CAST: variants seen among roughly 807,000 people sequenced by gnomAD.
CAST encodes calpastatin.
A neutral mutation model predicts 119.6 loss-of-function variants in CAST; 76 were observed. The ratio of observed to expected loss-of-function variants is 0.64; its 90% confidence interval spans 0.53 to 0.77. The LOEUF is 0.77. CAST is among the 30% of genes least tolerant of loss of function. CAST has a pLI of 0.00. For synonymous variants in CAST, 319 were observed against 331.6 expected (o/e 0.96, Z 0.41); for missense variants, 953 against 946.5 (o/e 1.01, Z -0.09).
At chr5:96,257,271 T>C in the CAST span, among the ~76,000 whole-genome samples, 1 of 152,182 alleles carries the variant, frequency 6.6e-6, no homozygotes, top group Non-Finnish European at 1.5e-5. Flanking sequence ...TCTAGAGTCA[T>C]CTTAAACTTG....
the CAST span, among the ~76,000 whole-genome samples, chr5:96,361,743 C>T: frequency 6.9e-4 from 99 of 144,304 alleles, no homozygotes; most frequent in African/African-American, 2.4e-3. Flanking sequence ...AGGTTGATCT[C>T]GGTGGGAGCT....
intron 1 of CAST, among the ~76,000 whole-genome samples, chr5:96,586,496 C>T (rs1746863940): frequency 1.3e-5 from 2 of 152,202 alleles, no homozygotes; most frequent in Non-Finnish European, 2.9e-5. Context: ...AGAGAAGCCA[C>T]ATTTCCTATC....
the CAST span, among the ~76,000 whole-genome samples, chr5:96,442,966 C>T: frequency 6.6e-6 from 1 of 151,872 alleles, no homozygotes; most frequent in Non-Finnish European, 1.5e-5. Context: ...TCTTTTTTCT[C>T]CTTCTTCTTT....
chr5:96,262,270 T>G, the CAST span, among the ~76,000 whole-genome samples: 1 of 151,778 alleles, frequency 6.6e-6, no homozygotes, highest in Admixed American at 6.6e-5. Flanking sequence ...CAGATGGGAG[T>G]GTGGTGCTGA....
chr5:96,296,329 A>T, the CAST span, among the ~76,000 whole-genome samples: 1 of 152,156 alleles, frequency 6.6e-6, no homozygotes, highest in South Asian at 2.1e-4. Flanking sequence ...CTGAAAATTG[A>T]TGTCTGTTAA....
At chr5:96,578,421 TA>T (rs1746714368) in intron 1 of CAST, among the ~76,000 whole-genome samples, 1 of 151,930 alleles carries the variant, frequency 6.6e-6, no homozygotes, top group Non-Finnish European at 1.5e-5. Flanking sequence ...TTGATTGGTA[TA>T]TTTAGACAAT....
At chr5:96,433,379 T>C in the CAST span, 13 of 386,286 alleles carry the variant, frequency 3.4e-5, no homozygotes, top group Non-Finnish European at 6.5e-5. Context: ...GAGAAGCGGC[T>C]AAAATAAGCA....
the CAST span, among the ~76,000 whole-genome samples, chr5:96,489,352 G>T: frequency 6.6e-6 from 1 of 152,204 alleles, no homozygotes; most frequent in South Asian, 2.1e-4. Context: ...TGGCAGCAGG[G>T]CTGCATTTAC....
At chr5:96,765,989 A>G (rs1769806822) in intron 26 of CAST, 64 bp from the exon 27 acceptor site, 1 of 915,156 alleles carries the variant, frequency 1.1e-6, no homozygotes, top group African/African-American at 1.7e-5. Context: ...GCTGCATTTG[A>G]CAATGTATTT....
At chr5:96,504,814 C>T in the CAST span, among the ~76,000 whole-genome samples, 1 of 152,152 alleles carries the variant, frequency 6.6e-6, no homozygotes, top group African/African-American at 2.4e-5. Context: ...AAATGATGTG[C>T]TTTCTGTATC....
the CAST span, among the ~76,000 whole-genome samples, chr5:96,340,078 C>A: frequency 2.0e-5 from 3 of 152,062 alleles, no homozygotes; most frequent in African/African-American, 4.8e-5. Context: ...AATGACTGGG[C>A]AAAATTTTTT....
At chr5:96,235,654 A>G in the CAST span, among the ~76,000 whole-genome samples, 1 of 152,076 alleles carries the variant, frequency 6.6e-6, no homozygotes, top group African/African-American at 2.4e-5. Flanking sequence ...GTAGCTAATT[A>G]AGGTCAACTA....
the CAST span, among the ~76,000 whole-genome samples, chr5:96,329,614 A>G: frequency 2.0e-5 from 3 of 152,242 alleles, no homozygotes; most frequent in Non-Finnish European, 4.4e-5. Context: ...CCTCATGTCC[A>G]GTAGCACTAA....
chr5:96,310,503 A>G, the CAST span, among the ~76,000 whole-genome samples: 2 of 151,630 alleles, frequency 1.3e-5, no homozygotes, highest in South Asian at 2.1e-4. Flanking sequence ...TGGAGAATTG[A>G]CATTAGTTAT....
chr5:95,983,142 A>G, the CAST span, among the ~76,000 whole-genome samples: 1 of 152,234 alleles, frequency 6.6e-6, no homozygotes, highest in Non-Finnish European at 1.5e-5. Flanking sequence ...GTGCTTAATG[A>G]TGTGTGCTTA....
the CAST span, among the ~76,000 whole-genome samples, chr5:96,323,094 C>T: frequency 6.6e-6 from 1 of 152,178 alleles, no homozygotes; most frequent in Non-Finnish European, 1.5e-5. Context: ...ACTCTCTGCT[C>T]TGACCCTTCA....
chr5:96,767,944 CAGG>C lies in CAST; in HGVS notation c.2216_2218del (p.Gly739del). Reference sequence around the variant, plus strand: ...GACCAAGACCCCATTGATGCTCTCTCAGGAGATCTGGACAGCTGTCCCTCCACT... The same window carrying C: ...GACCAAGACCCCATTGATGCTCTCTCAGATCTGGACAGCTGTCCCTCCACT... On this transcript the variant is annotated inframe_deletion, in exon 29 of 32. Coordinates refer to ENST00000675179, the MANE Select transcript of CAST (RefSeq NM_001750.7). 6 of 1,613,630 alleles carry C rather than the reference CAGG, an allele frequency of 3.7e-6. No individual in the cohort carries two copies. Among genetic ancestry groups the C allele is most frequent in the Non-Finnish European group, 5.1e-6 (6 of 1,179,634 alleles).
chr5:96,434,608 T>G, the CAST span, among the ~76,000 whole-genome samples: 714 of 88,992 alleles, frequency 8.0e-3, 9 homozygotes, highest in African/African-American at 0.031. Flanking sequence ...GGGAAGTTTG[T>G]TTTTTTTTTT....
At chr5:96,128,580 C>A in the CAST span, among the ~76,000 whole-genome samples, 911 of 152,198 alleles carry the variant, frequency 6.0e-3, 12 homozygotes, top group African/African-American at 0.021. Context: ...TATCCTCCAA[C>A]CTTTCTCAAC....
Sources: gnomAD v4.1 joint callset for allele counts (sites outside exome capture counted in the v4.1 genomes callset) on GRCh38, gnomAD v4.1.1 for gene constraint, MANE v1.5 for transcripts, NCBI Gene and HGNC (gene_info 2026-07-23, HGNC 2026-07-21) for gene names.